Variants in TYK2 observed in about 807,000 individuals in gnomAD.
TYK2 encodes tyrosine kinase 2, also known as non-receptor tyrosine-protein kinase TYK2.
In TYK2, 65 loss-of-function variants were observed where a neutral mutation model predicts 130.9. The ratio of observed to expected loss-of-function variants is 0.50; its 90% CI spans 0.41 to 0.61. TYK2 has a LOEUF of 0.61. TYK2 is among the 20% of genes least tolerant of loss of function. The pLI, the probability that TYK2 is intolerant of heterozygous loss-of-function variation, is 0.00. For missense variants in TYK2, 1,378 were observed against 1,610.7 expected, an observed-to-expected ratio of 0.86 and a Z score of 2.47; for synonymous variants, 647 against 658.9, an observed-to-expected ratio of 0.98 and a Z score of 0.28.
chr19:10,352,863 T>C, intron 22 of TYK2, 63 bp downstream of exon 22: 1 of 1,516,142 alleles, frequency 6.6e-7, no homozygotes, highest in East Asian at 2.3e-5. Context: ...AGCATCCGTC[T>C]ACTCCACCCT....
intron 3 of TYK2, among the ~76,000 whole-genome samples, chr19:10,369,291 C>T (rs568033106): frequency 3.7e-4 from 56 of 152,236 alleles, no homozygotes; most frequent in Non-Finnish European, 2.6e-4. Context: ...ACAGGCCCCC[C>T]CTTAGATATG....
intron 3 of TYK2, among the ~76,000 whole-genome samples, chr19:10,370,364 A>T (rs915492295): frequency 3.3e-5 from 5 of 151,396 alleles, no homozygotes; most frequent in African/African-American, 1.2e-4. Context: ...AAAAAAAAAA[A>T]TTGGCTGGCC....
In TYK2 at chr19:10,361,987, TG is replaced by T. The variant is rs755261117; in HGVS notation, c.1774-33del. The T allele has an allele frequency of 1.6e-5, 26 of 1,613,798 alleles. No individual in the cohort carries two copies. The highest frequency in any genetic ancestry group is 2.2e-5 in the Non-Finnish European group (26 of 1,179,888). On this transcript the variant is annotated intron_variant, in intron 12 of 24. Transcript: ENST00000525621. The surrounding 1 kb of genome is among the most constrained non-coding windows in gnomAD (Gnocchi z 4.0). ...GATCATGTGGCACAGAATACCGCCA[TG>T]GTGAAAGTTAGCAGCTGATCTCCCA...
chr19:10,352,063 TTCTC>T (rs368996243), intron 23 of TYK2, among the ~76,000 whole-genome samples: 2 of 145,246 alleles, frequency 1.4e-5, no homozygotes, highest in Non-Finnish European at 3.0e-5. Context: ...TTTCTTTTCT[TTCTC>T]TCTCTCTCCG....
Position 10,357,929 on chromosome 19 carries a change from A to G in TYK2, c.2312-11T>C. 1.2e-6 allele frequency: 2 copies of G among 1,613,518 alleles called. No homozygotes were observed. Among genetic ancestry groups the G allele is most frequent in the South Asian group, 1.1e-5 (1 of 91,088 alleles). On this transcript the variant is annotated splice_polypyrimidine_tract_variant and intron_variant, in intron 16 of 24. Transcript: ENST00000525621. ...TCCTCTCCACCCGCTCTGGGAGGCC[A>G]AGGTCAGAGGTCACCAAGGGTGAAA...
rs1290159027 is a variant in TYK2 at position 10,353,984 on chromosome 19, A to G, written c.2908+58T>C. The G allele has an allele frequency of 1.3e-6, 2 of 1,569,808 alleles. No homozygotes were observed. Among genetic ancestry groups the G allele is most frequent in the Non-Finnish European group, 1.7e-6 (2 of 1,143,478 alleles). Reference sequence around the variant, plus strand: ...CCAGACTGGCCCCGCCCACAAGGCCACACCCACGCTCTAACCACGCCCCCT... The same window carrying G: ...CCAGACTGGCCCCGCCCACAAGGCCGCACCCACGCTCTAACCACGCCCCCT... On this transcript the variant is annotated intron_variant, in intron 20 of 24. Coordinates refer to ENST00000525621, the MANE Select transcript of TYK2 (RefSeq NM_003331.5). The surrounding 1 kb of genome is among the most constrained non-coding windows in gnomAD (Gnocchi z 6.9).
intron 19 of TYK2, 58 bp from the exon 20 acceptor site, chr19:10,354,292 A>T: frequency 6.3e-7 from 1 of 1,580,712 alleles, no homozygotes; most frequent in East Asian, 2.2e-5. Flanking sequence ...CCACTCCCCA[A>T]CCCCCGATTT....
chr19:10,367,601 G>C (rs2041722499), intron 5 of TYK2, among the ~76,000 whole-genome samples: 1 of 151,840 alleles, frequency 6.6e-6, no homozygotes, highest in African/African-American at 2.4e-5. Context: ...CTCCAGCCTG[G>C]GCCACAGAGC....
Position 10,357,877 on chromosome 19 carries a change from G to T in TYK2, c.2353C>A (p.Pro785Thr). 6.2e-7 allele frequency: 1 copy of T among 1,613,536 alleles called. No homozygotes were observed. The highest frequency in any genetic ancestry group is 1.3e-5 in the African/African-American group (1 of 75,056). The change falls in exon 17 of 25, where the codon CCA (proline) becomes ACA (threonine). Residue 785 changes from proline to threonine, a missense_variant. By Grantham distance (38) the Pro-to-Thr change is conservative. Transcript: ENST00000525621. ...RIPWLAPECL[P>T]GGANSLSTAM... is the part of the protein sequence containing the mutation. ...GTGCTTAGGCTGTTGGCCCCACCTG[G>T]TAGGCATTCGGGGGCCAGCCAGGGG...
In TYK2 at chr19:10,350,940, T is replaced by C. The variant is rs1245150772; in HGVS notation, c.3458A>G (p.Glu1153Gly). The change falls in exon 25 of 25, where the codon GAG (glutamate) becomes GGG (glycine). Residue 1153 changes from glutamate (E) to glycine (G), a missense_variant. Transcript: ENST00000525621. Reference sequence around the variant, plus strand: ...GGTTGGGCGAAAGGACGCCTCTGTCTCCCAGCAGTTCTTCATGAGATGATA... The same window carrying C: ...GGTTGGGCGAAAGGACGCCTCTGTCCCCCAGCAGTTCTTCATGAGATGATA... ...EVYHLMKNCW[E>G]TEASFRPTFE... 2 of 1,614,144 alleles carry C rather than the reference T, an allele frequency of 1.2e-6. No homozygotes were observed. Among genetic ancestry groups the C allele is most frequent in the Admixed American group, 3.3e-5 (2 of 60,006 alleles).
chr19:10,353,942 G>T lies in TYK2; in HGVS notation c.2908+100C>A. 1 of 1,274,006 alleles carries T rather than the reference G, an allele frequency of 7.8e-7. No homozygotes were observed. Among genetic ancestry groups the T allele is most frequent in the Non-Finnish European group, 1.1e-6 (1 of 888,692 alleles). 78.9% of individuals were successfully genotyped at this position (1,274,006 alleles called of 1,614,324 possible). A position where few individuals can be genotyped will look rare whatever the true frequency, so the allele number is the denominator to read the frequency against. On this transcript the variant is annotated intron_variant, in intron 20 of 24. Transcript: ENST00000525621. This position sits in a 1 kb window ranked among gnomAD's most constrained non-coding sequence, Gnocchi z 6.9. ...CGCGTACTGCAGCCTGGGGTTGAGAGTCTCTAATTGGCTAGGCCAGACTGG... is the reference window on the plus strand; with the variant it reads ...CGCGTACTGCAGCCTGGGGTTGAGATTCTCTAATTGGCTAGGCCAGACTGG...
intron 3 of TYK2, among the ~76,000 whole-genome samples, chr19:10,372,141 C>A (rs1165611107): frequency 2.0e-5 from 3 of 151,640 alleles, no homozygotes; most frequent in Non-Finnish European, 4.4e-5. Context: ...CAGGCGCCCG[C>A]CACCATGCCC....
intron 3 of TYK2, among the ~76,000 whole-genome samples, chr19:10,372,273 G>T (rs1373498787): frequency 6.7e-6 from 1 of 148,164 alleles, no homozygotes; most frequent in Non-Finnish European, 1.5e-5. Flanking sequence ...GATTACAGGC[G>T]TGAGCCACGG....
In TYK2 at chr19:10,353,012, C is replaced by G. The variant is rs745380943; in HGVS notation, c.3114G>C (p.Lys1038Asn). The G allele has an allele frequency of 6.2e-7, 1 of 1,604,154 alleles. No homozygotes were observed. Among genetic ancestry groups the G allele is most frequent in the Non-Finnish European group, 8.5e-7 (1 of 1,174,786 alleles). The part of the protein sequence containing the change: ...NVLLDNDRLV[K>N]IGDFGLAKAV... Reference sequence around the variant, plus strand: ...CCTTGGCTAGGCCAAAGTCCCCGATCTTGACCAGCCTGTCGTTGTCCAGCA... The same window carrying G: ...CCTTGGCTAGGCCAAAGTCCCCGATGTTGACCAGCCTGTCGTTGTCCAGCA... Residue 1038 changes from lysine (K) to asparagine (N), a missense_variant, in exon 22 of 25, where the codon AAG becomes AAC. Physicochemically the swap from Lys to Asn is moderately conservative, Grantham distance 94. Transcript: ENST00000525621. The surrounding 1 kb of genome is among the most constrained non-coding windows in gnomAD (Gnocchi z 6.9).
chr19:10,369,491 T>C (rs2041820823), intron 3 of TYK2, among the ~76,000 whole-genome samples: 1 of 152,052 alleles, frequency 6.6e-6, no homozygotes, highest in Non-Finnish European at 1.5e-5. Flanking sequence ...CTGGAGTTGA[T>C]GGGATTATGG....
intron 17 of TYK2, 141 bp downstream of exon 17, chr19:10,357,623 G>C: frequency 8.5e-7 from 1 of 1,175,332 alleles, no homozygotes; most frequent in Non-Finnish European, 1.2e-6. Flanking sequence ...GAGCCCCAGC[G>C]AGTGGCCCAC....
rs2042241742 is a variant in TYK2, at chr19:10,378,199, A to G, written c.193+15T>C. On this transcript the variant is annotated intron_variant, in intron 3 of 24. Transcript: ENST00000525621. ...ACCCACCCCAGTCCCCATGGTGCCA[A>G]CGCCCCAGACTCACCAACTTTATGT... 1.2e-6 allele frequency: 2 copies of G among 1,612,184 alleles called. No individual in the cohort carries two copies. Among genetic ancestry groups the G allele is most frequent in the Non-Finnish European group, 1.7e-6 (2 of 1,179,762 alleles).
intron 3 of TYK2, among the ~76,000 whole-genome samples, chr19:10,371,956 G>A (rs1256981326): frequency 1.3e-5 from 2 of 152,070 alleles, no homozygotes; most frequent in African/African-American, 4.8e-5. Flanking sequence ...CTGTCCAGGA[G>A]TGGAACTATA....
intron 3 of TYK2, among the ~76,000 whole-genome samples, chr19:10,372,485 T>TATATATATATATATATATATATATA (rs59201811): frequency 1.3e-4 from 5 of 39,456 alleles, no homozygotes; most frequent in Non-Finnish European, 2.2e-4. Flanking sequence ...TATATATATA[T>TATATATATATATATATATATATATA]TTTTTTTTTT....
Sources: gnomAD v4.1 joint callset for allele counts (sites outside exome capture counted in the v4.1 genomes callset) on GRCh38, gnomAD v4.1.1 for gene constraint, Gnocchi (gnomAD v3.1) non-coding constraint, MANE v1.5 for transcripts, NCBI Gene and HGNC (gene_info 2026-07-23, HGNC 2026-07-21) for gene names.